The following ASIC2 variants were observed in gnomAD, a reference collection of about 807,000 sequenced individuals.
ASIC2 encodes the protein acid sensing ion channel subunit 2, also known as acid-sensing ion channel 2.
ASIC2 carries 25 observed loss-of-function variants against 57.3 expected under a neutral mutation model. The ratio of observed to expected loss-of-function variants is 0.44; its 90% CI spans 0.32 to 0.61. The LOEUF is 0.61. Among genes scored for constraint, ASIC2 ranks in the 20% least tolerant of loss-of-function variants. The pLI is 0.06. For synonymous variants in ASIC2, 319 were observed against 307.5 expected, an observed-to-expected ratio of 1.04 and a Z score of -0.39; for missense variants, 641 against 738.1, an observed-to-expected ratio of 0.87 and a Z score of 1.52.
chr17:34,040,323 C>G (rs1351065458), intron 1 of ASIC2, among the ~76,000 whole-genome samples: 1 of 146,274 alleles, frequency 6.8e-6, no homozygotes, highest in African/African-American at 2.6e-5. Context: ...CGGTTCGGTC[C>G]GGATTAGTAG....
intron 1 of ASIC2, among the ~76,000 whole-genome samples, chr17:33,929,870 A>G (rs944679274): frequency 1.2e-4 from 19 of 152,234 alleles, no homozygotes; most frequent in Admixed American, 2.0e-4. Flanking sequence ...TCACAATATC[A>G]GAATTGAAAA....
chr17:34,048,419 T>C (rs1908420280), intron 1 of ASIC2, among the ~76,000 whole-genome samples: 1 of 152,182 alleles, frequency 6.6e-6, no homozygotes, highest in Non-Finnish European at 1.5e-5. Flanking sequence ...CAAGGAAAGA[T>C]AGTAGATTGC....
chr17:33,501,271 T>G (rs916130467), intron 1 of ASIC2, among the ~76,000 whole-genome samples: 1 of 152,246 alleles, frequency 6.6e-6, no homozygotes, highest in South Asian at 2.1e-4. Context: ...CTGTGTCTCA[T>G]TGTATGCACG....
At chr17:33,979,306 C>T (rs1905518706) in intron 1 of ASIC2, among the ~76,000 whole-genome samples, 2 of 152,122 alleles carry the variant, frequency 1.3e-5, no homozygotes, top group Non-Finnish European at 2.9e-5. Flanking sequence ...AGCTGCTGCT[C>T]CATGCCTACC....
At chr17:33,944,187 G>A (rs1225287835) in intron 1 of ASIC2, among the ~76,000 whole-genome samples, 2 of 152,164 alleles carry the variant, frequency 1.3e-5, no homozygotes, top group African/African-American at 4.8e-5. Context: ...TCCACTCAAT[G>A]CCTACATTTA....
At chr17:33,230,708 G>A (rs536838361) in intron 1 of ASIC2, among the ~76,000 whole-genome samples, 2 of 152,204 alleles carry the variant, frequency 1.3e-5, no homozygotes, top group African/African-American at 2.4e-5. Context: ...AAGGGGGTAA[G>A]AAGGGGGGTA....
intron 1 of ASIC2, among the ~76,000 whole-genome samples, chr17:33,830,718 C>T (rs1913080008): frequency 3.3e-5 from 5 of 151,988 alleles, no homozygotes; most frequent in Admixed American, 2.0e-4. Flanking sequence ...TCCCCTTGCC[C>T]CCTACCCTCC....
chr17:33,022,266 A>G (rs1326731228), intron 6 of ASIC2, among the ~76,000 whole-genome samples: 2 of 152,148 alleles, frequency 1.3e-5, no homozygotes, highest in African/African-American at 4.8e-5. Context: ...GGATCTTTCT[A>G]AAACTGCTAA....
intron 1 of ASIC2, among the ~76,000 whole-genome samples, chr17:33,519,406 GC>G (rs769318893): frequency 2.6e-5 from 4 of 152,156 alleles, no homozygotes; most frequent in Non-Finnish European, 4.4e-5. Context: ...TTGTGGGGCA[GC>G]TTTTGAGCTC....
At chr17:34,077,328 G>C (rs968227746) in intron 1 of ASIC2, among the ~76,000 whole-genome samples, 1 of 152,158 alleles carries the variant, frequency 6.6e-6, no homozygotes, top group African/African-American at 2.4e-5. Context: ...TCCTGTGATC[G>C]AGCCCCGGGA....
rs150721311 is a variant in ASIC2 at position 34,077,451 on chromosome 17, CACG to C, written c.555+78524_555+78526del. Reference sequence around the variant, plus strand: ...TCCGCGGAGGCTGTGAAGCCAGCAACACGACGTTTTGTCTGGCTAAGCTTTGGG... The same window carrying C: ...TCCGCGGAGGCTGTGAAGCCAGCAACACGTTTTGTCTGGCTAAGCTTTGGG... On this transcript the variant is annotated intron_variant, in intron 1 of 9. Transcript: ENST00000359872. 4.1e-3 allele frequency among the ~76,000 whole-genome samples: 625 copies of C among 152,326 alleles called. 6 individuals carry two copies. Among genetic ancestry groups the C allele is most frequent in the African/African-American group, 0.015 (603 of 41,568 alleles).
intron 1 of ASIC2, among the ~76,000 whole-genome samples, chr17:33,548,819 T>G (rs2141975059): frequency 6.6e-6 from 1 of 152,238 alleles, no homozygotes. Context: ...ACACTTGCCA[T>G]TTTCTCAGCC....
intron 1 of ASIC2, among the ~76,000 whole-genome samples, chr17:33,421,546 G>A (rs1185505927): frequency 2.6e-5 from 4 of 152,216 alleles, no homozygotes; most frequent in East Asian, 1.9e-4. Flanking sequence ...CAACCATTGC[G>A]GTAAGGAGTT....
At chr17:33,809,334 A>G (rs1912355429) in intron 1 of ASIC2, among the ~76,000 whole-genome samples, 1 of 152,188 alleles carries the variant, frequency 6.6e-6, no homozygotes, top group African/African-American at 2.4e-5. Context: ...TGAGAGACGA[A>G]AGAGGTAGTG....
intron 1 of ASIC2, among the ~76,000 whole-genome samples, chr17:33,727,889 T>C (rs117780199): frequency 0.015 from 2,230 of 152,360 alleles, 23 homozygotes; most frequent in Middle Eastern, 0.071. Flanking sequence ...GGGTCTTTCA[T>C]CCTTTGTTCA....
intron 1 of ASIC2, among the ~76,000 whole-genome samples, chr17:34,012,415 T>C (rs1271252365): frequency 6.6e-6 from 1 of 152,154 alleles, no homozygotes; most frequent in Non-Finnish European, 1.5e-5. Context: ...CCAGACTATT[T>C]TTACTCGAAC....
At chr17:33,803,485 C>G (rs1023215949) in intron 1 of ASIC2, among the ~76,000 whole-genome samples, 1 of 151,432 alleles carries the variant, frequency 6.6e-6, no homozygotes, top group African/African-American at 2.4e-5. Context: ...TGGCAGTTCA[C>G]TATGGTTGAT....
chr17:33,816,064 T>C (rs1046391796), intron 1 of ASIC2, among the ~76,000 whole-genome samples: 2 of 149,234 alleles, frequency 1.3e-5, no homozygotes, highest in Non-Finnish European at 2.9e-5. Flanking sequence ...TACATAGGGC[T>C]GTGGGAACAG....
At chr17:33,309,644 C>A (rs192138744) in intron 1 of ASIC2, among the ~76,000 whole-genome samples, 5 of 152,004 alleles carry the variant, frequency 3.3e-5, no homozygotes, top group Non-Finnish European at 5.9e-5. Context: ...CCTCTTGTGG[C>A]CTTTATCCCA....
Sources: gnomAD v4.1 joint callset for allele counts (sites outside exome capture counted in the v4.1 genomes callset) on GRCh38, gnomAD v4.1.1 for gene constraint, MANE v1.5 for transcripts, NCBI Gene and HGNC (gene_info 2026-07-23, HGNC 2026-07-21) for gene names.